AHRR: variants seen among roughly 807,000 people sequenced by gnomAD.
AHRR encodes ahR repressor.
Under a neutral mutation model 44.0 loss-of-function variants are expected in AHRR, and 28 were observed. The ratio of observed to expected loss-of-function variants is 0.64; its 90% confidence interval spans 0.47 to 0.87. The LOEUF (loss-of-function observed/expected upper bound fraction) is 0.87. Among genes scored for constraint, AHRR ranks in the 40% least tolerant of loss-of-function variants. The pLI is 0.00. For synonymous variants in AHRR, 434 were observed against 407.0 expected (o/e 1.07, Z -0.80); for missense variants, 990 against 953.9 (o/e 1.04, Z -0.50).
intron 3 of AHRR, among the ~76,000 whole-genome samples, chr5:366,697 C>T (rs576238268): frequency 7.6e-4 from 116 of 152,296 alleles, no homozygotes; most frequent in Non-Finnish European, 1.3e-3. Context: ...CGATCTTACC[C>T]GCCAATAGTG....
intron 4 of AHRR, among the ~76,000 whole-genome samples, chr5:391,078 G>A (rs1355664436): frequency 1.3e-5 from 2 of 152,188 alleles, no homozygotes; most frequent in Admixed American, 1.3e-4. Flanking sequence ...AGAGAGGCTG[G>A]GATGGACAGG....
intron 4 of AHRR, among the ~76,000 whole-genome samples, chr5:382,392 C>T (rs1430532749): frequency 6.6e-6 from 1 of 152,148 alleles, no homozygotes; most frequent in African/African-American, 2.4e-5. Flanking sequence ...TTGTGTCTTT[C>T]AAGGAATTGG....
intron 3 of AHRR, among the ~76,000 whole-genome samples, chr5:369,005 G>A (rs750167353): frequency 6.6e-6 from 1 of 152,210 alleles, no homozygotes; most frequent in African/African-American, 2.4e-5. Flanking sequence ...TGAAATGAGT[G>A]TGTTTATTTA....
chr5:361,140 T>A (rs141351025), intron 3 of AHRR, among the ~76,000 whole-genome samples: 2 of 152,086 alleles, frequency 1.3e-5, no homozygotes, highest in Admixed American at 6.5e-5. Flanking sequence ...TCACAGCTAC[T>A]TGGGAGGCTG....
At chr5:373,975 GGGCGCGC>G (rs1743679530) in intron 3 of AHRR, among the ~76,000 whole-genome samples, 1 of 151,772 alleles carries the variant, frequency 6.6e-6, no homozygotes, top group African/African-American at 2.4e-5. Context: ...ATGCCGGGAG[GGGCGCGC>G]CCCTGCCGCC....
chr5:379,511 A>G (rs140803715), intron 4 of AHRR, among the ~76,000 whole-genome samples: 110 of 152,250 alleles, frequency 7.2e-4, no homozygotes, highest in Non-Finnish European at 1.3e-3. Flanking sequence ...TTGGGTTTGC[A>G]CTTGGTATTA....
At position 353,723 on chromosome 5, in the gene AHRR, C is replaced by A; in HGVS notation, c.63-7C>A. The A allele has an allele frequency of 5.6e-6, 9 of 1,603,800 alleles. No individual in the cohort carries two copies. Among genetic ancestry groups the A allele is most frequent in the Non-Finnish European group, 7.6e-6 (9 of 1,177,058 alleles). ...AAGCCCACCTGACCCAGACCATCTC[C>A]CCACAGGAGGCCCGCCGTGGGGGCA... On this transcript the variant is annotated splice_region_variant and splice_polypyrimidine_tract_variant and intron_variant, in intron 2 of 10. Transcript: ENST00000684583.
At chr5:426,346 G>C (rs1304662301) in intron 7 of AHRR, among the ~76,000 whole-genome samples, 1 of 147,724 alleles carries the variant, frequency 6.8e-6, no homozygotes, top group Non-Finnish European at 1.5e-5. Flanking sequence ...ATGGATGGAT[G>C]GGAAGATGGA....
At chr5:424,603 C>T (rs558504204) in intron 7 of AHRR, among the ~76,000 whole-genome samples, 28 of 152,144 alleles carry the variant, frequency 1.8e-4, no homozygotes, top group Admixed American at 1.7e-3. Flanking sequence ...TAAAACTCTG[C>T]AGTAGGTTTA....
intron 1 of AHRR, among the ~76,000 whole-genome samples, chr5:324,005 C>CCCTTTCCTTCTTTCTTTCTTTCTTTCTT (rs376443900): frequency 8.6e-6 from 1 of 116,066 alleles, no homozygotes; most frequent in Admixed American, 8.4e-5. Flanking sequence ...TTCTTTTTTT[C>CCCTTTCCTTCTTTCTTTCTTTCTTTCTT]TCTTTCTTTC....
At chr5:409,634 G>A (rs73034672) in intron 4 of AHRR, among the ~76,000 whole-genome samples, 49 of 148,642 alleles carry the variant, frequency 3.3e-4, no homozygotes, top group African/African-American at 1.2e-3. Flanking sequence ...CTGTGCAAAC[G>A]TTTGTCCCAT....
intron 1 of AHRR, among the ~76,000 whole-genome samples, chr5:334,882 G>C (rs893236132): frequency 2.0e-5 from 3 of 146,700 alleles, no homozygotes; most frequent in African/African-American, 8.3e-5. Context: ...ATGTGACTGG[G>C]ATGTTGGTTG....
Position 434,065 on chromosome 5 carries a change from G to A in AHRR, c.1325G>A (p.Gly442Asp), listed in dbSNP as rs756152561. The change falls in exon 11 of 11, where the codon GGC becomes GAC. Residue 442 changes from glycine to aspartate, a missense_variant. Gly to Asp is a moderately conservative substitution (Grantham distance 94). Coordinates refer to ENST00000684583, the MANE Select transcript of AHRR (RefSeq NM_001377236.1). ...TGCCTGCCCTGCCCGTGTGTCCAGGGCACTTTCAGGAACTCGCCCATCTCT... is the reference window on the plus strand; with the variant it reads ...TGCCTGCCCTGCCCGTGTGTCCAGGACACTTTCAGGAACTCGCCCATCTCT... ...GSCLPCPCVQ[G>D]TFRNSPISHP... The A allele has an allele frequency of 3.7e-6, 6 of 1,612,744 alleles. No homozygotes were observed. The Admixed American group carries it at 8.4e-5, about 22-fold the overall frequency.
rs1417580876 is a variant in AHRR, at chr5:395,112, C to T, written c.352-18232C>T. 1.3e-5 allele frequency among the ~76,000 whole-genome samples: 2 copies of T among 152,188 alleles called. No individual in the cohort carries two copies. The highest frequency in any genetic ancestry group is 4.8e-5 in the African/African-American group (2 of 41,450). On this transcript the variant is annotated intron_variant, in intron 4 of 10. Coordinates refer to ENST00000684583, the MANE Select transcript of AHRR (RefSeq NM_001377236.1). This position sits in a 1 kb window ranked among gnomAD's most constrained non-coding sequence, Gnocchi z 5.3. ...GTGACCCCAAAGCCCCTGCCCTGGG[C>T]CGTGGCTCCCAATCTCCTCCACACC...
In AHRR at chr5:405,618, C is replaced by T. The variant is rs906594333; in HGVS notation, c.352-7726C>T. ...ACCTCTGTATCCAGAACCAAGTGGG[C>T]GGCACACCCTTCAGGTCGGTGGGAG... On this transcript the variant is annotated intron_variant, in intron 4 of 10. Coordinates refer to ENST00000684583, the MANE Select transcript of AHRR (RefSeq NM_001377236.1). This position sits in a 1 kb window ranked among gnomAD's most constrained non-coding sequence, Gnocchi z 4.5. Among the ~76,000 whole-genome samples, 8 of 152,272 alleles carry T rather than the reference C, an allele frequency of 5.3e-5. No individual in the cohort carries two copies. Among genetic ancestry groups the T allele is most frequent in the Admixed American group, 1.3e-4 (2 of 15,294 alleles).
chr5:428,995 C>T (rs1736596273), intron 8 of AHRR, among the ~76,000 whole-genome samples: 1 of 152,244 alleles, frequency 6.6e-6, no homozygotes, highest in African/African-American at 2.4e-5. Flanking sequence ...CAGGGCCCAC[C>T]TCCTGCCATG....
intron 4 of AHRR, among the ~76,000 whole-genome samples, chr5:399,989 G>A (rs1734942537): frequency 6.6e-6 from 1 of 152,216 alleles, no homozygotes; most frequent in Admixed American, 6.5e-5. Flanking sequence ...GCCCCATGGA[G>A]CGGCCCCTGT....
chr5:361,374 G>A (rs372675903), intron 3 of AHRR, among the ~76,000 whole-genome samples: 82 of 152,358 alleles, frequency 5.4e-4, no homozygotes, highest in South Asian at 3.7e-3. Context: ...CACCACGCCC[G>A]CAGAGACACT....
intron 4 of AHRR, among the ~76,000 whole-genome samples, chr5:377,549 C>T (rs1733781102): frequency 6.6e-6 from 1 of 152,190 alleles, no homozygotes; most frequent in Non-Finnish European, 1.5e-5. Flanking sequence ...TGAGAGGGTA[C>T]TGGGGCCCTG....
Sources: allele counts gnomAD v4.1 joint callset (sites outside exome capture counted in the v4.1 genomes callset), GRCh38; gene constraint gnomAD v4.1.1; non-coding constraint Gnocchi (gnomAD v3.1); transcripts MANE v1.5; gene names NCBI Gene and HGNC (gene_info 2026-07-23, HGNC 2026-07-21).